CNTNAP2: variants seen among roughly 807,000 people sequenced by gnomAD.
The protein encoded by CNTNAP2 is contactin associated protein 2, also known as contactin-associated protein-like 2.
CNTNAP2 carries 98 observed loss-of-function variants against 155.2 expected under a neutral mutation model. That is an observed-to-expected ratio of 0.63 (90% CI 0.54 to 0.75). The LOEUF (loss-of-function observed/expected upper bound fraction) is 0.75. Ranked by LOEUF, CNTNAP2 falls within the 30% of genes least tolerant of loss-of-function variation. The probability of loss-of-function intolerance (pLI) is 0.00; values close to 1 mark genes in which losing one functional copy is unlikely to be tolerated. For missense variants in CNTNAP2, 1,727 were observed against 1,688.1 expected (o/e 1.02, Z -0.40); for synonymous variants, 651 against 631.2 (o/e 1.03, Z -0.47).
At chr7:147,562,051 C>T (rs1233125803) in intron 11 of CNTNAP2, 87 bp from the exon 12 acceptor site, 1 of 1,548,668 alleles carries the variant, frequency 6.5e-7, no homozygotes, top group South Asian at 1.1e-5. Flanking sequence ...TAGTGGTTTG[C>T]TAGCATTGCA....
chr7:146,806,270 T>A (rs1802965095), intron 2 of CNTNAP2, among the ~76,000 whole-genome samples: 1 of 151,568 alleles, frequency 6.6e-6, no homozygotes, highest in Non-Finnish European at 1.5e-5. Flanking sequence ...GGTGGGTGGA[T>A]CACCAAGGTC....
intron 13 of CNTNAP2, chr7:147,831,871 T>A (rs1798550887): frequency 6.6e-6 from 1 of 152,046 alleles, no homozygotes; most frequent in Non-Finnish European, 1.5e-5. Flanking sequence ...AGATTCCATA[T>A]TTTTTTGGAA....
intron 12 of CNTNAP2, among the ~76,000 whole-genome samples, chr7:147,612,909 T>C (rs1801214587): frequency 6.6e-6 from 1 of 152,190 alleles, no homozygotes; most frequent in African/African-American, 2.4e-5. Context: ...TTATAACAAT[T>C]GTATAACCAT....
At chr7:146,550,431 T>TTA (rs1798104373) in intron 1 of CNTNAP2, among the ~76,000 whole-genome samples, 1 of 124,188 alleles carries the variant, frequency 8.1e-6, no homozygotes, top group Non-Finnish European at 1.7e-5. Context: ...TTTTTTTTTA[T>TTA]AAAGTACCCG....
At chr7:148,283,953 A>T (rs1266988382) in intron 21 of CNTNAP2, among the ~76,000 whole-genome samples, 2 of 152,182 alleles carry the variant, frequency 1.3e-5, no homozygotes, top group Non-Finnish European at 2.9e-5. Context: ...CAGGAACCTA[A>T]CCCTGTATTT....
intron 1 of CNTNAP2, among the ~76,000 whole-genome samples, chr7:146,742,821 T>G (rs745856782): frequency 2.0e-5 from 3 of 152,182 alleles, no homozygotes; most frequent in Admixed American, 2.0e-4. Context: ...AAATTGTGTG[T>G]CATTTTTAGG....
chr7:146,969,819 G>T (rs535668353), intron 3 of CNTNAP2, among the ~76,000 whole-genome samples: 5 of 152,134 alleles, frequency 3.3e-5, no homozygotes, highest in Non-Finnish European at 5.9e-5. Flanking sequence ...ATACTACAAG[G>T]CTACAGTAAT....
In CNTNAP2 at chr7:147,873,691, C is replaced by T. The variant is rs560196707; in HGVS notation, c.2099-29874C>T. Among the ~76,000 whole-genome samples the T allele has an allele frequency of 9.8e-5, 15 of 152,298 alleles. No homozygotes were observed. The South Asian group carries it at 3.1e-3, about 32-fold the overall frequency. The stretch of plus-strand genomic sequence containing the variant: ...TCCCAAATCTCATGTCCTCACATTT[C>T]AAAGCCAACCATGCCTTTCCAACGG... On this transcript the variant is annotated intron_variant, in intron 13 of 23. Coordinates refer to ENST00000361727, the MANE Select transcript of CNTNAP2 (RefSeq NM_014141.6).
chr7:146,367,183 G>A (rs1795167943), intron 1 of CNTNAP2, among the ~76,000 whole-genome samples: 1 of 152,084 alleles, frequency 6.6e-6, no homozygotes, highest in African/African-American at 2.4e-5. Context: ...CACATTTATG[G>A]AAAGTACTGT....
chr7:147,868,413 C>T (rs931711179), intron 13 of CNTNAP2, among the ~76,000 whole-genome samples: 2 of 152,150 alleles, frequency 1.3e-5, no homozygotes, highest in African/African-American at 2.4e-5. Context: ...CCCAGTTAGG[C>T]TACACAGGGG....
intron 13 of CNTNAP2, among the ~76,000 whole-genome samples, chr7:147,824,426 T>A (rs1798413734): frequency 6.6e-6 from 1 of 152,102 alleles, no homozygotes; most frequent in East Asian, 1.9e-4. Flanking sequence ...TATGAATGTA[T>A]GGAGAGGTGG....
At chr7:147,249,422 A>C (rs1804136934) in intron 8 of CNTNAP2, among the ~76,000 whole-genome samples, 1 of 151,984 alleles carries the variant, frequency 6.6e-6, no homozygotes, top group Admixed American at 6.6e-5. Flanking sequence ...TCAAACCATA[A>C]TTCTCTCAAG....
chr7:147,473,124 A>G (rs1798257066), intron 10 of CNTNAP2, among the ~76,000 whole-genome samples: 1 of 152,182 alleles, frequency 6.6e-6, no homozygotes, highest in Non-Finnish European at 1.5e-5. Context: ...TGCCTGTGAG[A>G]AAAGGAGCTT....
At chr7:147,599,724 T>G (rs2116857916) in intron 12 of CNTNAP2, among the ~76,000 whole-genome samples, 2 of 152,226 alleles carry the variant, frequency 1.3e-5, no homozygotes, top group South Asian at 4.1e-4. Flanking sequence ...CACATGGTAT[T>G]CTCCATGTGT....
intron 2 of CNTNAP2, among the ~76,000 whole-genome samples, chr7:146,824,046 C>T (rs1423895129): frequency 6.6e-6 from 1 of 152,110 alleles, no homozygotes; most frequent in African/African-American, 2.4e-5. Context: ...AGCCCTCCAA[C>T]CCCTGACAGG....
rs527356940 is a variant in CNTNAP2 at position 147,706,181 on chromosome 7, G to A, written c.2098+66875G>A. On this transcript the variant is annotated intron_variant, in intron 13 of 23. Transcript: ENST00000361727. The stretch of plus-strand genomic sequence containing the variant: ...ACCTTCTGTAGTGGTAACATTTGAG[G>A]TTTTTTTTTTTTTTTTCCTTATTTG... 1.3e-3 allele frequency among the ~76,000 whole-genome samples: 168 copies of A among 133,532 alleles called. 1 individual carries two copies. Among genetic ancestry groups the A allele is most frequent in the Middle Eastern group, 4.0e-3 (1 of 252 alleles). The allele number at this position is 133,532 out of a possible 152,430, so 87.6% of individuals were successfully genotyped here. A position where few individuals can be genotyped will look rare whatever the true frequency, so the allele number is the denominator to read the frequency against.
chr7:146,444,140 C>T (rs73460770), intron 1 of CNTNAP2, among the ~76,000 whole-genome samples: 1,875 of 152,202 alleles, frequency 0.012, 48 homozygotes, highest in African/African-American at 0.043. Flanking sequence ...TCAAGCAATT[C>T]TTCTGTCTCA....
chr7:148,309,573 T>C (rs1797555413), intron 21 of CNTNAP2, among the ~76,000 whole-genome samples: 1 of 151,246 alleles, frequency 6.6e-6, no homozygotes, highest in South Asian at 2.1e-4. Flanking sequence ...TAAAGGAAAA[T>C]TACAGTCAAA....
intron 23 of CNTNAP2, among the ~76,000 whole-genome samples, chr7:148,410,588 T>C (rs1027159342): frequency 1.3e-5 from 1 of 77,630 alleles, no homozygotes; most frequent in African/African-American, 4.3e-5. Context: ...AAAAAAAAAA[T>C]ACGAAAAGGG....
Sources: gnomAD v4.1 joint callset for allele counts (sites outside exome capture counted in the v4.1 genomes callset) on GRCh38, gnomAD v4.1.1 for gene constraint, MANE v1.5 for transcripts, NCBI Gene and HGNC (gene_info 2026-07-23, HGNC 2026-07-21) for gene names.